The following SPAG16 variants were observed in gnomAD, a reference collection of about 807,000 sequenced individuals.
SPAG16 encodes sperm associated antigen 16.
SPAG16 carries 86 observed loss-of-function variants against 80.4 expected under a neutral mutation model. The observed-to-expected ratio is 1.07, with a 90% CI of 0.90 to 1.28. The LOEUF (loss-of-function observed/expected upper bound fraction) is 1.28. Among genes scored for constraint, SPAG16 ranks in the 50% most tolerant of loss-of-function variants. The pLI, the probability that SPAG16 is intolerant of heterozygous loss-of-function variation, is 0.00. For synonymous variants in SPAG16, 294 were observed against 265.9 expected, an observed-to-expected ratio of 1.11 and a Z score of -1.03; for missense variants, 870 against 765.3, an observed-to-expected ratio of 1.14 and a Z score of -1.61.
intron 12 of SPAG16, among the ~76,000 whole-genome samples, chr2:213,938,729 T>C (rs916621583): frequency 6.6e-6 from 1 of 151,904 alleles, no homozygotes; most frequent in African/African-American, 2.4e-5. Context: ...CAAATCAAAA[T>C]AAAAGAAGTA....
intron 13 of SPAG16, among the ~76,000 whole-genome samples, chr2:214,030,018 A>C (rs567158489): frequency 3.7e-4 from 57 of 152,164 alleles, no homozygotes; most frequent in African/African-American, 1.3e-3. Context: ...CTCTCAACCT[A>C]ATTTTAAGTG....
chr2:214,342,613 A>C (rs2126033455), intron 15 of SPAG16, among the ~76,000 whole-genome samples: 1 of 152,262 alleles, frequency 6.6e-6, no homozygotes, highest in Middle Eastern at 3.4e-3. Context: ...TCAGTTGTAT[A>C]ATTATTTCAT....
chr2:213,907,865 G>A (rs747856238), intron 11 of SPAG16, among the ~76,000 whole-genome samples: 57 of 152,122 alleles, frequency 3.7e-4, no homozygotes, highest in Non-Finnish European at 6.2e-4. Context: ...GTTATTACAG[G>A]CTGAGAAGGG....
chr2:213,667,454 A>G (rs1003181314), intron 10 of SPAG16, among the ~76,000 whole-genome samples: 1 of 152,218 alleles, frequency 6.6e-6, no homozygotes, highest in Non-Finnish European at 1.5e-5. Flanking sequence ...ACAGAGGTAA[A>G]CTAAGTGATC....
intron 2 of SPAG16, 124 bp downstream of exon 2, chr2:213,296,234 A>G (rs1429196110): frequency 3.0e-6 from 2 of 668,854 alleles, no homozygotes; most frequent in Non-Finnish European, 5.1e-6. Flanking sequence ...CAGTTTTTCA[A>G]CTGAATTTAG....
chr2:213,509,755 G>T (rs1358310272), intron 10 of SPAG16, among the ~76,000 whole-genome samples: 2 of 152,074 alleles, frequency 1.3e-5, no homozygotes, highest in African/African-American at 4.8e-5. Flanking sequence ...ACAATTAAAA[G>T]AACTAGAAAA....
chr2:213,739,589 A>G (rs971910314), intron 10 of SPAG16, among the ~76,000 whole-genome samples: 5 of 152,176 alleles, frequency 3.3e-5, no homozygotes, highest in Non-Finnish European at 7.4e-5. Flanking sequence ...TCCCTAATTT[A>G]AAATCTCTGC....
rs2057188189 is a variant in SPAG16 at position 214,178,124 on chromosome 2, T to G, written c.1720+28858T>G. ...AGGAAATATAGGTACTTACTTTTATTAACCCAAATTAGCTTATTTTTAAAA... is the reference window on the plus strand; with the variant it reads ...AGGAAATATAGGTACTTACTTTTATGAACCCAAATTAGCTTATTTTTAAAA... On this transcript the variant is annotated intron_variant, in intron 15 of 15. Transcript: ENST00000331683. Among the ~76,000 whole-genome samples the G allele has an allele frequency of 2.0e-5, 3 of 148,290 alleles. No individual in the cohort carries two copies. The South Asian group carries it at 6.3e-4, about 31-fold the overall frequency.
intron 13 of SPAG16, among the ~76,000 whole-genome samples, chr2:214,021,263 A>G (rs1326698135): frequency 1.3e-5 from 2 of 152,182 alleles, no homozygotes; most frequent in Non-Finnish European, 2.9e-5. Flanking sequence ...CCTAATCATC[A>G]AAGGACTAGT....
chr2:213,515,635 G>GA (rs1303947184), intron 10 of SPAG16, among the ~76,000 whole-genome samples: 2 of 152,092 alleles, frequency 1.3e-5, no homozygotes, highest in Non-Finnish European at 2.9e-5. Flanking sequence ...AAATATGACA[G>GA]AAAAAGGAGA....
At chr2:213,673,710 T>C (rs1351736827) in intron 10 of SPAG16, among the ~76,000 whole-genome samples, 2 of 152,206 alleles carry the variant, frequency 1.3e-5, no homozygotes, top group African/African-American at 2.4e-5. Context: ...TCTACTAAGG[T>C]AATGTAATAG....
At position 213,484,373 on chromosome 2, in the gene SPAG16, G is replaced by C. The variant is rs79985383; in HGVS notation, c.943-5590G>C. ...AAGAAAGACTTTTCCTGACCCATTC[G>C]TATTTTCATACTTAGATTGTGAATG... On this transcript the variant is annotated intron_variant, in intron 9 of 15. Transcript: ENST00000331683. Among the ~76,000 whole-genome samples the C allele has an allele frequency of 5.9e-3, 897 of 152,242 alleles. 6 individuals are homozygous for C. Among genetic ancestry groups the C allele is most frequent in the Admixed American group, 0.01 (154 of 15,290 alleles).
chr2:213,558,727 T>C (rs2059509598), intron 10 of SPAG16, among the ~76,000 whole-genome samples: 2 of 152,142 alleles, frequency 1.3e-5, no homozygotes, highest in South Asian at 4.1e-4. Flanking sequence ...TTTTTGGAAA[T>C]TCCTTTTTAG....
chr2:214,229,714 CA>C (rs1344275514), intron 15 of SPAG16, among the ~76,000 whole-genome samples: 1 of 150,546 alleles, frequency 6.6e-6, no homozygotes, highest in East Asian at 1.9e-4. Context: ...GAATCAGATA[CA>C]AAAAAAAGGT....
rs376009997 is a variant in SPAG16, at chr2:213,909,835, C to T, written c.1215-20125C>T. Reference sequence around the variant, plus strand: ...CACTTTCTACCCTCAAACCCTCATACAGCCAGAAGTGCTGTATCAAGGCTA... The same window carrying T: ...CACTTTCTACCCTCAAACCCTCATATAGCCAGAAGTGCTGTATCAAGGCTA... On this transcript the variant is annotated intron_variant, in intron 11 of 15. Transcript: ENST00000331683. Among the ~76,000 whole-genome samples the T allele has an allele frequency of 1.7e-3, 265 of 152,306 alleles. 4 individuals are homozygous for T. The highest frequency in any genetic ancestry group is 6.8e-3 in the Middle Eastern group (2 of 294).
At chr2:213,464,203 T>A (rs2072544671) in intron 9 of SPAG16, among the ~76,000 whole-genome samples, 1 of 152,226 alleles carries the variant, frequency 6.6e-6, no homozygotes, top group South Asian at 2.1e-4. Flanking sequence ...AGGCTGTCCT[T>A]ACGTCATTTC....
At chr2:213,452,437 T>C (rs1431323112) in intron 9 of SPAG16, among the ~76,000 whole-genome samples, 1 of 152,158 alleles carries the variant, frequency 6.6e-6, no homozygotes, top group Non-Finnish European at 1.5e-5. Context: ...AGATTCTTTA[T>C]TTTTCTTTTC....
chr2:213,918,847 T>C (rs1253796024), intron 11 of SPAG16, among the ~76,000 whole-genome samples: 1 of 152,134 alleles, frequency 6.6e-6, no homozygotes. Context: ...TTTTTTTTCC[T>C]GGGTTCAGTC....
intron 12 of SPAG16, among the ~76,000 whole-genome samples, chr2:213,932,948 A>AC (rs2078830714): frequency 8.8e-6 from 1 of 113,978 alleles, no homozygotes; most frequent in Non-Finnish European, 1.9e-5. Flanking sequence ...GGTTGTTTGA[A>AC]AACACACACA....
Sources: allele counts gnomAD v4.1 joint callset (sites outside exome capture counted in the v4.1 genomes callset), GRCh38; gene constraint gnomAD v4.1.1; transcripts MANE v1.5; gene names NCBI Gene and HGNC (gene_info 2026-07-23, HGNC 2026-07-21).